The following PLA2G4A variants were observed in gnomAD, a reference collection of about 807,000 sequenced individuals.
The protein encoded by PLA2G4A is cytosolic phospholipase A2.
In PLA2G4A, 40 loss-of-function variants were observed where a neutral mutation model predicts 81.9. The observed-to-expected ratio is 0.49, with a 90% CI of 0.38 to 0.64. The LOEUF (loss-of-function observed/expected upper bound fraction) is 0.64, where lower values mean the gene tolerates loss of function less well. Ranked by LOEUF, PLA2G4A falls within the 30% of genes least tolerant of loss-of-function variation. The pLI, the probability that PLA2G4A is intolerant of heterozygous loss-of-function variation, is 0.00. For synonymous variants in PLA2G4A, 302 were observed against 296.9 expected, an observed-to-expected ratio of 1.02 and a Z score of -0.18; for missense variants, 715 against 905.1, an observed-to-expected ratio of 0.79 and a Z score of 2.69.
At chr1:186,923,361 A>G (rs1655432367) in intron 7 of PLA2G4A, among the ~76,000 whole-genome samples, 1 of 152,222 alleles carries the variant, frequency 6.6e-6, no homozygotes, top group Non-Finnish European at 1.5e-5. Context: ...GCAATTCTAC[A>G]ACATTTTTCT....
chr1:186,851,488 A>G (rs943678873), intron 1 of PLA2G4A, among the ~76,000 whole-genome samples: 2 of 152,022 alleles, frequency 1.3e-5, no homozygotes, highest in African/African-American at 2.4e-5. Context: ...ACAGCTCTAG[A>G]GTATTAGCTG....
Position 186,985,693 on chromosome 1 carries a change from G to A in PLA2G4A, c.2119-2684G>A, listed in dbSNP as rs182624212. On this transcript the variant is annotated intron_variant, in intron 17 of 17. Transcript: ENST00000367466. The stretch of plus-strand genomic sequence containing the variant: ...CATTAGCAAAGATTTAAGAGATCTG[G>A]TTCAACAATAGGAGGCTACTGAATG... 1.1e-3 allele frequency among the ~76,000 whole-genome samples: 170 copies of A among 152,116 alleles called. 1 individual carries two copies. The highest frequency in any genetic ancestry group is 2.1e-3 in the Non-Finnish European group (143 of 68,002).
At chr1:186,903,071 A>G (rs907832063) in intron 5 of PLA2G4A, among the ~76,000 whole-genome samples, 25 of 152,158 alleles carry the variant, frequency 1.6e-4, no homozygotes, top group African/African-American at 6.0e-4. Flanking sequence ...TTGAGGTACA[A>G]TGTACGGAAA....
rs12720547 is a variant in PLA2G4A, at chr1:186,906,509, G to A, written c.379-456G>A. ...TTGTATTTTCAGCTTACTACAGCCTGCACTTGTCTCAATTATACATGTGTG... is the reference window on the plus strand; with the variant it reads ...TTGTATTTTCAGCTTACTACAGCCTACACTTGTCTCAATTATACATGTGTG... On this transcript the variant is annotated intron_variant, in intron 5 of 17. Coordinates refer to ENST00000367466, the MANE Select transcript of PLA2G4A (RefSeq NM_024420.3). Among the ~76,000 whole-genome samples, 338 of 152,286 alleles carry A rather than the reference G, an allele frequency of 2.2e-3. 1 individual carries two copies. Among genetic ancestry groups the A allele is most frequent in the African/African-American group, 7.7e-3 (321 of 41,556 alleles).
intron 1 of PLA2G4A, among the ~76,000 whole-genome samples, chr1:186,846,294 C>T (rs1240389705): frequency 2.0e-5 from 3 of 152,126 alleles, no homozygotes; most frequent in African/African-American, 7.2e-5. Flanking sequence ...ACAATAATGG[C>T]TAGTGATTTT....
At chr1:186,885,855 T>C (rs1339238796) in intron 3 of PLA2G4A, among the ~76,000 whole-genome samples, 1 of 151,912 alleles carries the variant, frequency 6.6e-6, no homozygotes, top group Admixed American at 6.6e-5. Flanking sequence ...ATATCCAGAC[T>C]GAAACACAAA....
chr1:186,904,892 T>C (rs1654679504), intron 5 of PLA2G4A, among the ~76,000 whole-genome samples: 2 of 152,260 alleles, frequency 1.3e-5, no homozygotes, highest in Middle Eastern at 3.4e-3. Flanking sequence ...TTCACTCTTG[T>C]TGCCTAGGCT....
At position 186,946,879 on chromosome 1, in the gene PLA2G4A, C is replaced by T; in HGVS notation, c.1182C>T (p.Gly394=). Residue 394 remains glycine (G), a synonymous_variant, in exon 12 of 18, where the codon GGC becomes GGT. Coordinates refer to ENST00000367466, the MANE Select transcript of PLA2G4A (RefSeq NM_024420.3). ...TCTGTTTTATTTTAGGTGTCTGGGG[C>T]AGTGCCTTTTCCATATTGTTCAACA... ...NPLHFLMGVW[G]SAFSILFNRV... 1 of 1,610,912 alleles carries T rather than the reference C, an allele frequency of 6.2e-7. No individual in the cohort carries two copies. The highest frequency in any genetic ancestry group is 8.5e-7 in the Non-Finnish European group (1 of 1,177,286).
At position 186,946,552 on chromosome 1, in the gene PLA2G4A, C is replaced by T. The variant is rs61811026; in HGVS notation, c.1034-85C>T. The stretch of plus-strand genomic sequence containing the variant: ...AATACATGAATGAGAATAAGCATAA[C>T]ATTATTAAAGTGATCATTAATTGTG... On this transcript the variant is annotated intron_variant, in intron 10 of 17. Coordinates refer to ENST00000367466, the MANE Select transcript of PLA2G4A (RefSeq NM_024420.3). The T allele has an allele frequency of 1.5e-3, 1,381 of 939,182 alleles. 2 individuals carry two copies. The highest frequency in any genetic ancestry group is 3.4e-3 in the South Asian group (258 of 75,888). 58.2% of individuals were successfully genotyped at this position (939,182 alleles called of 1,614,324 possible).
At chr1:186,941,255 C>G (rs1424676628) in intron 10 of PLA2G4A, among the ~76,000 whole-genome samples, 1 of 152,108 alleles carries the variant, frequency 6.6e-6, no homozygotes, top group Non-Finnish European at 1.5e-5. Context: ...ACTTCAGACA[C>G]CCCATGAGCT....
intron 10 of PLA2G4A, among the ~76,000 whole-genome samples, chr1:186,941,408 A>C (rs12139172): frequency 0.25 from 38,556 of 152,132 alleles, 5,399 homozygotes; most frequent in Admixed American, 0.4. Flanking sequence ...CATTCATTCA[A>C]ATGTTTATTA....
Position 186,867,705 on chromosome 1 carries a change from T to C in PLA2G4A, c.34-2730T>C, listed in dbSNP as rs192317526. Among the ~76,000 whole-genome samples, 15 of 152,280 alleles carry C rather than the reference T, an allele frequency of 9.9e-5. No homozygotes were observed. In the East Asian group the frequency reaches 2.3e-3, roughly 23 times the overall value. On this transcript the variant is annotated intron_variant, in intron 2 of 17. Transcript: ENST00000367466. ...CCTTTTATTTCCTTTTCTTATCTTA[T>C]TGCATCAAATAGGACTTCCAGTACA...
chr1:186,865,311 TAAA>T (rs934259874), intron 2 of PLA2G4A, among the ~76,000 whole-genome samples: 11 of 152,018 alleles, frequency 7.2e-5, no homozygotes, highest in African/African-American at 2.4e-4. Flanking sequence ...TGAGAATTTT[TAAA>T]AAAAGATTAG....
chr1:186,968,544 CAT>C (rs1174046639), intron 15 of PLA2G4A, among the ~76,000 whole-genome samples: 1 of 150,652 alleles, frequency 6.6e-6, no homozygotes, highest in Non-Finnish European at 1.5e-5. Context: ...ATTATAAAGA[CAT>C]ATAATACAGT....
intron 15 of PLA2G4A, among the ~76,000 whole-genome samples, chr1:186,966,123 A>C (rs917539062): frequency 1.1e-3 from 154 of 143,574 alleles, no homozygotes; most frequent in Middle Eastern, 3.5e-3. Flanking sequence ...GAAGTTAAAA[A>C]AAAAAAAAAA....
intron 4 of PLA2G4A, among the ~76,000 whole-genome samples, chr1:186,893,773 A>C (rs554810909): frequency 6.6e-6 from 1 of 151,822 alleles, no homozygotes; most frequent in South Asian, 2.1e-4. Context: ...AAAATACAAA[A>C]ATTTGCTGGA....
chr1:186,935,047 A>G (rs1655892180), intron 8 of PLA2G4A, among the ~76,000 whole-genome samples: 1 of 152,030 alleles, frequency 6.6e-6, no homozygotes, highest in East Asian at 1.9e-4. Flanking sequence ...AAGAAAATAA[A>G]ACCCTAATGG....
chr1:186,918,023 A>G (rs1655202844), intron 7 of PLA2G4A, among the ~76,000 whole-genome samples: 1 of 152,190 alleles, frequency 6.6e-6, no homozygotes, highest in South Asian at 2.1e-4. Context: ...GCTCCCAGCA[A>G]CTGCAGCACA....
chr1:186,948,353 CCACGGGG>C (rs1656413543), intron 12 of PLA2G4A, among the ~76,000 whole-genome samples: 2 of 152,078 alleles, frequency 1.3e-5, no homozygotes, highest in Non-Finnish European at 2.9e-5. Flanking sequence ...GTGACATTTA[CCACGGGG>C]CACATTCTCC....
Sources: gnomAD v4.1 joint callset for allele counts (sites outside exome capture counted in the v4.1 genomes callset) on GRCh38, gnomAD v4.1.1 for gene constraint, MANE v1.5 for transcripts, NCBI Gene and HGNC (gene_info 2026-07-23, HGNC 2026-07-21) for gene names.